KDM1B: variants seen among roughly 807,000 people sequenced by gnomAD.
KDM1B encodes the protein lysine demethylase 1B.
KDM1B carries 63 observed loss-of-function variants against 107.4 expected under a neutral mutation model. That is an observed-to-expected ratio of 0.59 (90% confidence interval 0.48 to 0.72). The LOEUF (loss-of-function observed/expected upper bound fraction) is 0.72, where lower values mean the gene tolerates loss of function less well. Among genes scored for constraint, KDM1B ranks in the 30% least tolerant of loss-of-function variants. The pLI is 0.00. For synonymous variants in KDM1B, 363 were observed against 363.9 expected (o/e 1.00, Z 0.03); for missense variants, 749 against 1,020.8 (o/e 0.73, Z 3.63).
chr6:18,219,696 C>T (rs1307684224), intron 21 of KDM1B, among the ~76,000 whole-genome samples: 1 of 152,304 alleles, frequency 6.6e-6, no homozygotes, highest in East Asian at 1.9e-4. Flanking sequence ...AATCCCCGAT[C>T]CATCACCGTT....
intron 2 of KDM1B, among the ~76,000 whole-genome samples, chr6:18,158,036 A>G (rs1398046609): frequency 1.3e-5 from 2 of 151,874 alleles, no homozygotes; most frequent in African/African-American, 2.4e-5. Flanking sequence ...GATGGTCTCG[A>G]TCTCCTGATG....
At chr6:18,161,289 C>T in intron 3 of KDM1B, 38 bp from the exon 4 acceptor site, 4 of 1,606,650 alleles carry the variant, frequency 2.5e-6, no homozygotes, top group Non-Finnish European at 2.6e-6. Context: ...ATTTTGCCAT[C>T]ATCAGTGAAA....
intron 20 of KDM1B, 110 bp downstream of exon 20, chr6:18,215,239 G>C (rs970723634): frequency 7.9e-7 from 1 of 1,265,180 alleles, no homozygotes; most frequent in Admixed American, 2.7e-5. Context: ...GGAAGGCAGA[G>C]GCCACAGTCT....
chr6:18,161,412 G>T lies in KDM1B; in HGVS notation c.173G>T (p.Cys58Phe), dbSNP rs749252048. The change falls in exon 4 of 22, where the codon TGT becomes TTT. Residue 58 changes from cysteine to phenylalanine, a missense_variant. Transcript: ENST00000650836. Reference protein sequence around the residue: ...KKYRKCEKAGCTATCPVCFAS... With the variant: ...KKYRKCEKAGFTATCPVCFAS... ...TACAGGAAATGTGAAAAGGCAGGCT[G>T]TACGGCAACATGTCCTGTGTGCTTT... 1 of 1,614,058 alleles carries T rather than the reference G, an allele frequency of 6.2e-7. No homozygotes were observed.
At chr6:18,174,064 G>T (rs897307257) in intron 7 of KDM1B, among the ~76,000 whole-genome samples, 1 of 152,138 alleles carries the variant, frequency 6.6e-6, no homozygotes, top group African/African-American at 2.4e-5. Context: ...GATTACAGGC[G>T]TGAGCCACTG....
intron 7 of KDM1B, among the ~76,000 whole-genome samples, chr6:18,183,600 G>C (rs1279375714): frequency 6.6e-6 from 1 of 151,674 alleles, no homozygotes; most frequent in African/African-American, 2.4e-5. Context: ...TTTGTTACAG[G>C]GTTAATACGT....
intron 12 of KDM1B, among the ~76,000 whole-genome samples, chr6:18,198,532 A>G (rs1488157550): frequency 2.0e-5 from 3 of 148,678 alleles, no homozygotes; most frequent in African/African-American, 4.9e-5. Context: ...CCCGGCCTCC[A>G]GTTAAATTTT....
intron 5 of KDM1B, among the ~76,000 whole-genome samples, chr6:18,165,753 T>C (rs1393220848): frequency 6.6e-6 from 1 of 152,082 alleles, no homozygotes; most frequent in Non-Finnish European, 1.5e-5. Context: ...ACCCAGGAGG[T>C]GGAGGTTGCA....
chr6:18,158,696 C>G (rs577945962), intron 2 of KDM1B, among the ~76,000 whole-genome samples: 2 of 152,288 alleles, frequency 1.3e-5, no homozygotes, highest in African/African-American at 4.8e-5. Context: ...CTGTATATTA[C>G]TGAGTACTTA....
In KDM1B at chr6:18,161,483, C is replaced by T. The variant is rs780662685; in HGVS notation, c.215+29C>T. The T allele has an allele frequency of 5.0e-6, 8 of 1,608,982 alleles. No homozygotes were observed. In the Admixed American group the frequency reaches 1.0e-4, roughly 20 times the overall value. ...TGTTTAGATGTGTGTCTTGGCCTCCCATTTCTGCTTGTGAGAAGTTCTTTG... is the reference window on the plus strand; with the variant it reads ...TGTTTAGATGTGTGTCTTGGCCTCCTATTTCTGCTTGTGAGAAGTTCTTTG... On this transcript the variant is annotated intron_variant, in intron 4 of 21. Coordinates refer to ENST00000650836, the MANE Select transcript of KDM1B (RefSeq NM_001364614.2).
intron 4 of KDM1B, among the ~76,000 whole-genome samples, chr6:18,161,860 A>C (rs1784995167): frequency 6.6e-6 from 1 of 151,940 alleles, no homozygotes; most frequent in East Asian, 1.9e-4. Flanking sequence ...TCCCATACGC[A>C]CATACAGGTC....
At chr6:18,199,546 C>T (rs1787896250) in intron 12 of KDM1B, among the ~76,000 whole-genome samples, 1 of 152,104 alleles carries the variant, frequency 6.6e-6, no homozygotes, top group African/African-American at 2.4e-5. Context: ...TGGCACTAGG[C>T]ATCCAGGGCT....
chr6:18,160,700 T>C (rs1784911524), intron 3 of KDM1B, among the ~76,000 whole-genome samples: 1 of 150,644 alleles, frequency 6.6e-6, no homozygotes, highest in South Asian at 2.1e-4. Context: ...ATGGCGCCAC[T>C]GCATTGCAGC....
intron 5 of KDM1B, among the ~76,000 whole-genome samples, chr6:18,164,299 TG>T (rs1194078809): frequency 2.6e-5 from 4 of 152,054 alleles, no homozygotes; most frequent in Admixed American, 1.3e-4. Flanking sequence ...GGCTGATTTT[TG>T]TATTGTTAAT....
In KDM1B at chr6:18,212,923, C is replaced by A. The variant is rs1788959185; in HGVS notation, c.1983+319C>A. ...TTCTTGTCTGCTTTCCACTCATTGG[C>A]CCCAGTGAGGACAGAGGTTTATTTC... On this transcript the variant is annotated intron_variant, in intron 18 of 21. Transcript: ENST00000650836. The surrounding 1 kb of genome is among the most constrained non-coding windows in gnomAD (Gnocchi z 5.2). Among the ~76,000 whole-genome samples the A allele has an allele frequency of 6.6e-6, 1 of 152,144 alleles. No homozygotes were observed. Among genetic ancestry groups the A allele is most frequent in the Admixed American group, 6.5e-5 (1 of 15,270 alleles).
At chr6:18,217,999 A>C in intron 21 of KDM1B, 114 bp downstream of exon 21, 3 of 1,134,908 alleles carry the variant, frequency 2.6e-6, no homozygotes, top group Non-Finnish European at 3.8e-6. Flanking sequence ...AAGTCTTATG[A>C]CCACAGACAG....
Position 18,194,758 on chromosome 6 carries a change from C to G in KDM1B, c.970-2299C>G, listed in dbSNP as rs932172605. On this transcript the variant is annotated intron_variant, in intron 10 of 21. Coordinates refer to ENST00000650836, the MANE Select transcript of KDM1B (RefSeq NM_001364614.2). ...AAGTGATTGCTCCTCCTGCCTCAGC[C>G]TCCCAAAGTGGTGGGATTACAGGCA... Among the ~76,000 whole-genome samples, 9 of 152,030 alleles carry G rather than the reference C, an allele frequency of 5.9e-5. No homozygotes were observed. In the South Asian group the frequency reaches 8.3e-4, roughly 14 times the overall value.
Position 18,191,533 on chromosome 6 carries a change from G to T in KDM1B, c.969+152G>T, listed in dbSNP as rs1242513878. Among the ~76,000 whole-genome samples the T allele has an allele frequency of 6.6e-6, 1 of 152,108 alleles. No homozygotes were observed. Among genetic ancestry groups the T allele is most frequent in the Non-Finnish European group, 1.5e-5 (1 of 68,026 alleles). On this transcript the variant is annotated intron_variant, in intron 10 of 21. Coordinates refer to ENST00000650836, the MANE Select transcript of KDM1B (RefSeq NM_001364614.2). The surrounding 1 kb of genome is among the most constrained non-coding windows in gnomAD (Gnocchi z 5.1). ...TGGGCAGATAATTCTTTGTGGTGGGGACTGTCTTTGCACTGTAGGATATTT... is the reference window on the plus strand; with the variant it reads ...TGGGCAGATAATTCTTTGTGGTGGGTACTGTCTTTGCACTGTAGGATATTT...
rs534569329 is a variant in KDM1B at position 18,202,399 on chromosome 6, C to A, written c.1531+742C>A. The stretch of plus-strand genomic sequence containing the variant: ...TGGGCAATGAAGCAAGACCCTATTT[C>A]AAAAAAAAAAGGAATTTTAATTCAA... On this transcript the variant is annotated intron_variant, in intron 14 of 21. Transcript: ENST00000650836. Among the ~76,000 whole-genome samples the A allele has an allele frequency of 5.1e-3, 749 of 145,620 alleles. 8 individuals are homozygous for A. Among genetic ancestry groups the A allele is most frequent in the African/African-American group, 0.017 (694 of 39,930 alleles).
Sources: allele counts gnomAD v4.1 joint callset (sites outside exome capture counted in the v4.1 genomes callset), GRCh38; gene constraint gnomAD v4.1.1; non-coding constraint Gnocchi (gnomAD v3.1); transcripts MANE v1.5; gene names NCBI Gene and HGNC (gene_info 2026-07-23, HGNC 2026-07-21).